The following TLN2 variants were observed in gnomAD, a reference collection of about 807,000 sequenced individuals.
TLN2 encodes the protein talin 2, also known as talin-2.
A neutral mutation model predicts 294.7 loss-of-function variants in TLN2; 118 were observed. The observed-to-expected ratio is 0.40, with a 90% CI of 0.34 to 0.47. The LOEUF (loss-of-function observed/expected upper bound fraction) is 0.47. TLN2 is among the 20% of genes least tolerant of loss of function. The pLI is 0.84. For missense variants in TLN2, 3,083 were observed against 3,282.2 expected (o/e 0.94, Z 1.48); for synonymous variants, 1,431 against 1,304.5 (o/e 1.10, Z -2.09).
chr15:62,716,393 C>T lies in TLN2; in HGVS notation c.2697C>T (p.Gly899=). 6.2e-7 allele frequency: 1 copy of T among 1,611,384 alleles called. No individual in the cohort carries two copies. Among genetic ancestry groups the T allele is most frequent in the Non-Finnish European group, 8.5e-7 (1 of 1,178,868 alleles). ...AAAGGCTGAGAGAAGCTGCAGAAGGCCTCCGGGTAGCAACCAACGCAGCTG... is the reference window on the plus strand; with the variant it reads ...AAAGGCTGAGAGAAGCTGCAGAAGGTCTCCGGGTAGCAACCAACGCAGCTG... ...QQQRLREAAE[G]LRVATNAAAQ... Residue 899 remains glycine (G), a synonymous_variant, in exon 23 of 59, where the codon GGC becomes GGT. Transcript: ENST00000636159.
chr15:62,540,994 A>G (rs2041652161), intron 1 of TLN2, among the ~76,000 whole-genome samples: 1 of 152,124 alleles, frequency 6.6e-6, no homozygotes, highest in Non-Finnish European at 1.5e-5. Flanking sequence ...GAGGATGACT[A>G]CCCAGGTCAG....
intron 1 of TLN2, among the ~76,000 whole-genome samples, chr15:62,459,217 G>A (rs2036654554): frequency 6.6e-6 from 1 of 151,654 alleles, no homozygotes; most frequent in Non-Finnish European, 1.5e-5. Flanking sequence ...GGCCAGGGTG[G>A]TCTCGATCTC....
chr15:62,795,735 C>T (rs891734294), intron 46 of TLN2, among the ~76,000 whole-genome samples: 31 of 152,174 alleles, frequency 2.0e-4, no homozygotes, highest in South Asian at 1.2e-3. Context: ...TCCTTTCTCC[C>T]GTTCTGTGGT....
chr15:62,562,086 A>G (rs1047475437), intron 1 of TLN2, among the ~76,000 whole-genome samples: 7 of 152,232 alleles, frequency 4.6e-5, no homozygotes, highest in Admixed American at 1.3e-4. Context: ...TACCTGGCAC[A>G]TAATAGATAC....
intron 23 of TLN2, 150 bp downstream of exon 23, chr15:62,716,609 A>G: frequency 2.8e-6 from 3 of 1,079,498 alleles, no homozygotes. Context: ...CTATAAAAGC[A>G]TTGACTCAAT....
chr15:62,784,440 C>T (rs912411965), intron 45 of TLN2: 1 of 153,712 alleles, frequency 6.5e-6, no homozygotes, highest in African/African-American at 2.4e-5. Context: ...CTTTCCTAGA[C>T]CAGCTTTCCT....
At chr15:62,750,563 T>C (rs1282545997) in intron 34 of TLN2, 72 bp downstream of exon 34, 31 of 1,280,432 alleles carry the variant, frequency 2.4e-5, no homozygotes, top group Non-Finnish European at 1.9e-5. Context: ...AGACGTGCCT[T>C]CTGTGCATCT....
At chr15:62,821,437 GGC>G (rs2067558096) in intron 54 of TLN2, among the ~76,000 whole-genome samples, 1 of 152,176 alleles carries the variant, frequency 6.6e-6, no homozygotes, top group Non-Finnish European at 1.5e-5. Flanking sequence ...CTCAAAAAAG[GGC>G]TGGATTCCAC....
At chr15:62,490,179 G>A (rs1254590980) in intron 1 of TLN2, among the ~76,000 whole-genome samples, 1 of 152,160 alleles carries the variant, frequency 6.6e-6, no homozygotes, top group African/African-American at 2.4e-5. Flanking sequence ...TTGTTTTGAG[G>A]CTTTTAAAGT....
intron 1 of TLN2, among the ~76,000 whole-genome samples, chr15:62,442,688 A>G (rs1213820637): frequency 6.6e-6 from 1 of 152,080 alleles, no homozygotes. Context: ...TTCTTTCTCT[A>G]TATTTTAATA....
chr15:62,699,775 C>T (rs1022570977), intron 16 of TLN2, among the ~76,000 whole-genome samples: 8 of 152,214 alleles, frequency 5.3e-5, no homozygotes, highest in African/African-American at 1.2e-4. Context: ...CTGCTTTGTA[C>T]GTTAGAATCA....
chr15:62,651,780 C>T (rs1340581167), intron 5 of TLN2, among the ~76,000 whole-genome samples: 1 of 152,094 alleles, frequency 6.6e-6, no homozygotes, highest in African/African-American at 2.4e-5. Context: ...CAGAGATTCT[C>T]ACTGAATGGA....
intron 1 of TLN2, among the ~76,000 whole-genome samples, chr15:62,481,783 T>C (rs1203245176): frequency 6.9e-6 from 1 of 145,288 alleles, no homozygotes; most frequent in Non-Finnish European, 1.5e-5. Flanking sequence ...ATATTATTTT[T>C]CTTTTTCTTT....
intron 1 of TLN2, among the ~76,000 whole-genome samples, chr15:62,404,508 G>C (rs527297110): frequency 6.6e-6 from 1 of 152,088 alleles, no homozygotes; most frequent in East Asian, 1.9e-4. Context: ...CCCTCTCTGC[G>C]CTGCTTTCAG....
rs149146002 is a variant in TLN2, at chr15:62,504,075, A to T, written c.-237-85612A>T. Among the ~76,000 whole-genome samples the T allele has an allele frequency of 2.3e-3, 345 of 152,292 alleles. 4 individuals carry two copies. Among genetic ancestry groups the T allele is most frequent in the African/African-American group, 8.1e-3 (335 of 41,560 alleles). ...AAAGAACTGTGTAAAATTGTAAATT[A>T]TTTTGCAGAGATTTGCTGTTTTCCA... On this transcript the variant is annotated intron_variant, in intron 1 of 58. Coordinates refer to ENST00000636159, the MANE Select transcript of TLN2 (RefSeq NM_015059.3).
intron 2 of TLN2, among the ~76,000 whole-genome samples, chr15:62,607,695 C>A (rs143852772): frequency 3.6e-4 from 55 of 152,084 alleles, no homozygotes; most frequent in African/African-American, 1.2e-3. Flanking sequence ...TTTATTTGAC[C>A]CCTGTGTGGA....
intron 54 of TLN2, 125 bp from the exon 55 acceptor site, chr15:62,833,379 G>A (rs1235758515): frequency 3.6e-6 from 5 of 1,379,720 alleles, no homozygotes; most frequent in Middle Eastern, 1.9e-4. Flanking sequence ...CCCATTTCAG[G>A]TGTGGTTTGT....
chr15:62,777,482 G>A (rs975234777), intron 43 of TLN2, among the ~76,000 whole-genome samples: 6 of 150,828 alleles, frequency 4.0e-5, no homozygotes, highest in Non-Finnish European at 8.8e-5. Context: ...GTTGCGGTGA[G>A]CTGAGATCAT....
intron 1 of TLN2, among the ~76,000 whole-genome samples, chr15:62,419,711 A>C (rs985696401): frequency 2.8e-4 from 43 of 151,948 alleles, no homozygotes; most frequent in Admixed American, 1.0e-3. Flanking sequence ...GCATTGGCTC[A>C]CTGCAGCCTC....
Sources: gnomAD v4.1 joint callset for allele counts (sites outside exome capture counted in the v4.1 genomes callset) on GRCh38, gnomAD v4.1.1 for gene constraint, MANE v1.5 for transcripts, NCBI Gene and HGNC (gene_info 2026-07-23, HGNC 2026-07-21) for gene names.